EPHA6: variants seen among roughly 807,000 people sequenced by gnomAD.
The protein encoded by EPHA6 is ephrin type-A receptor 6.
Under a neutral mutation model 112.0 loss-of-function variants are expected in EPHA6, and 50 were observed. The ratio of observed to expected loss-of-function variants is 0.45; its 90% CI spans 0.36 to 0.56. The LOEUF is 0.56. Ranked by LOEUF, EPHA6 falls within the 20% of genes least tolerant of loss-of-function variation. EPHA6 has a pLI of 0.00. For synonymous variants in EPHA6, 529 were observed against 490.7 expected (o/e 1.08, Z -1.03); for missense variants, 1,280 against 1,417.4 (o/e 0.90, Z 1.56).
intron 5 of EPHA6, among the ~76,000 whole-genome samples, chr3:97,301,429 G>C (rs1189027068): frequency 2.0e-5 from 3 of 152,038 alleles, no homozygotes; most frequent in African/African-American, 4.8e-5. Context: ...GTATCAGGCA[G>C]TACTCAAATT....
intron 5 of EPHA6, among the ~76,000 whole-genome samples, chr3:97,403,897 A>G (rs1032959791): frequency 7.2e-5 from 11 of 152,118 alleles, no homozygotes; most frequent in South Asian, 4.1e-4. Flanking sequence ...ATTATTTGTT[A>G]TTCTTAGGTT....
chr3:97,655,788 G>T (rs2094134715), intron 14 of EPHA6, among the ~76,000 whole-genome samples: 1 of 151,034 alleles, frequency 6.6e-6, no homozygotes, highest in Non-Finnish European at 1.5e-5. Context: ...GATAGCATTA[G>T]GAGATATACC....
At chr3:97,397,223 T>C (rs2109089064) in intron 5 of EPHA6, among the ~76,000 whole-genome samples, 1 of 151,828 alleles carries the variant, frequency 6.6e-6, no homozygotes, top group Admixed American at 6.6e-5. Flanking sequence ...TTTTCTTGCT[T>C]TTTTTTCCCT....
At chr3:97,252,157 T>C (rs2108599373) in intron 5 of EPHA6, among the ~76,000 whole-genome samples, 1 of 151,942 alleles carries the variant, frequency 6.6e-6, no homozygotes, top group East Asian at 1.9e-4. Flanking sequence ...CTCAGGAAGG[T>C]TGGGAAGTAA....
chr3:97,692,862 A>ATTATCCTG (rs1355313846), intron 14 of EPHA6, among the ~76,000 whole-genome samples: 1 of 152,188 alleles, frequency 6.6e-6, no homozygotes, highest in Non-Finnish European at 1.5e-5. Context: ...CCCATAGATC[A>ATTATCCTG]TTATCCTGTG....
intron 3 of EPHA6, among the ~76,000 whole-genome samples, chr3:97,136,469 C>T (rs1022360338): frequency 1.2e-4 from 18 of 152,124 alleles, no homozygotes; most frequent in Non-Finnish European, 2.5e-4. Flanking sequence ...GTAATCCCAG[C>T]ACTTTGGGAG....
At chr3:97,735,871 C>A in intron 15 of EPHA6, 54 bp from the exon 16 acceptor site, 2 of 1,313,292 alleles carry the variant, frequency 1.5e-6, no homozygotes, top group Non-Finnish European at 2.0e-6. Flanking sequence ...GAAATTATAG[C>A]ATATGTATTA....
intron 11 of EPHA6, among the ~76,000 whole-genome samples, chr3:97,568,213 A>T (rs112268345): frequency 0.018 from 2,784 of 152,310 alleles, 48 homozygotes; most frequent in Non-Finnish European, 0.028. Context: ...CAAAAAATTT[A>T]AAAAATACTT....
At chr3:97,655,177 TG>T (rs998517617) in intron 14 of EPHA6, among the ~76,000 whole-genome samples, 16 of 150,438 alleles carry the variant, frequency 1.1e-4, no homozygotes, top group African/African-American at 3.4e-4. Context: ...TGGGGTTTTT[TG>T]TTTCTCTAGA....
chr3:97,643,075 C>G (rs1425397919), intron 14 of EPHA6, among the ~76,000 whole-genome samples: 1 of 152,048 alleles, frequency 6.6e-6, no homozygotes, highest in African/African-American at 2.4e-5. Flanking sequence ...GAAGCCCATC[C>G]GACTAACAGT....
intron 4 of EPHA6, among the ~76,000 whole-genome samples, chr3:97,232,423 C>G (rs1464341215): frequency 6.6e-6 from 1 of 152,082 alleles, no homozygotes; most frequent in East Asian, 1.9e-4. Context: ...TTGTCAGGTT[C>G]ACGGCTTCCA....
At chr3:96,891,071 T>G (rs564233700) in intron 2 of EPHA6, among the ~76,000 whole-genome samples, 36 of 151,796 alleles carry the variant, frequency 2.4e-4, no homozygotes, top group South Asian at 1.9e-3. Context: ...GGTGACAGAG[T>G]GAAAGAGACT....
intron 11 of EPHA6, among the ~76,000 whole-genome samples, chr3:97,536,690 C>T (rs1391654649): frequency 6.6e-6 from 1 of 152,062 alleles, no homozygotes; most frequent in African/African-American, 2.4e-5. Flanking sequence ...TTAGTACTTG[C>T]ACAAAAACTG....
chr3:97,068,341 C>G (rs1048947579), intron 3 of EPHA6, among the ~76,000 whole-genome samples: 1 of 151,948 alleles, frequency 6.6e-6, no homozygotes, highest in Non-Finnish European at 1.5e-5. Flanking sequence ...AGGGTTGGGA[C>G]AGGATCCAGA....
At chr3:97,192,860 G>T (rs1347253980) in intron 3 of EPHA6, among the ~76,000 whole-genome samples, 1 of 152,012 alleles carries the variant, frequency 6.6e-6, no homozygotes, top group South Asian at 2.1e-4. Context: ...AGTTTTCCCA[G>T]CATCAATTAT....
intron 2 of EPHA6, among the ~76,000 whole-genome samples, chr3:96,930,946 C>CACA (rs1385799581): frequency 1.7e-5 from 2 of 115,634 alleles, no homozygotes; most frequent in African/African-American, 6.6e-5. Context: ...GAGCCAAGGT[C>CACA]ACAACATTGC....
At chr3:97,390,703 T>G (rs2109060083) in intron 5 of EPHA6, among the ~76,000 whole-genome samples, 1 of 152,108 alleles carries the variant, frequency 6.6e-6, no homozygotes, top group South Asian at 2.1e-4. Context: ...CTACAAAATC[T>G]ATGGAACTCA....
intron 5 of EPHA6, among the ~76,000 whole-genome samples, chr3:97,274,848 G>A (rs1313339961): frequency 3.3e-5 from 5 of 152,154 alleles, no homozygotes; most frequent in Admixed American, 6.5e-5. Flanking sequence ...AGAATAATGT[G>A]GGAGGCCGGA....
intron 10 of EPHA6, among the ~76,000 whole-genome samples, chr3:97,499,636 C>T (rs1395530568): frequency 1.3e-5 from 2 of 152,134 alleles, no homozygotes; most frequent in East Asian, 3.9e-4. Flanking sequence ...GTAAAGCATA[C>T]TGCACTGAAT....
Sources: gnomAD v4.1 joint callset for allele counts (sites outside exome capture counted in the v4.1 genomes callset) on GRCh38, gnomAD v4.1.1 for gene constraint, MANE v1.5 for transcripts, NCBI Gene and HGNC (gene_info 2026-07-23, HGNC 2026-07-21) for gene names.